The following ADAMTSL1 variants were observed in gnomAD, a reference collection of about 807,000 sequenced individuals.
ADAMTSL1 encodes ADAMTS-like protein 1.
ADAMTSL1 carries 126 observed loss-of-function variants against 201.8 expected under a neutral mutation model. The observed-to-expected ratio is 0.62, with a 90% CI of 0.54 to 0.72. The LOEUF (loss-of-function observed/expected upper bound fraction) is 0.72, where lower values mean the gene tolerates loss of function less well. Among genes scored for constraint, ADAMTSL1 ranks in the 30% least tolerant of loss-of-function variants. The pLI is 0.00. For missense variants in ADAMTSL1, 2,679 were observed against 2,277.8 expected, an observed-to-expected ratio of 1.18 and a Z score of -3.59; for synonymous variants, 1,121 against 903.4, an observed-to-expected ratio of 1.24 and a Z score of -4.32.
At chr9:18,544,594 T>C (rs571469017) in intron 3 of ADAMTSL1, among the ~76,000 whole-genome samples, 34 of 152,302 alleles carry the variant, frequency 2.2e-4, no homozygotes, top group African/African-American at 7.9e-4. Flanking sequence ...CATTGAGTGA[T>C]ATGAGCTGGC....
At chr9:18,289,373 A>G (rs1232984061) in intron 2 of ADAMTSL1, among the ~76,000 whole-genome samples, 2 of 152,220 alleles carry the variant, frequency 1.3e-5, no homozygotes, top group Non-Finnish European at 2.9e-5. Flanking sequence ...ATGTTTAACC[A>G]AGTAGCTGGG....
chr9:17,933,910 C>T (rs1348416224), intron 1 of ADAMTSL1, among the ~76,000 whole-genome samples: 1 of 152,144 alleles, frequency 6.6e-6, no homozygotes, highest in Non-Finnish European at 1.5e-5. Flanking sequence ...CAACACTCAA[C>T]CTCAAAGATA....
At chr9:18,101,649 A>C (rs1051482612) in intron 1 of ADAMTSL1, among the ~76,000 whole-genome samples, 2 of 152,202 alleles carry the variant, frequency 1.3e-5, no homozygotes, top group African/African-American at 4.8e-5. Context: ...GGTTACTCTG[A>C]ATTTAGACGG....
In ADAMTSL1 at chr9:18,909,064, G is replaced by A. The variant is rs1399862597; in HGVS notation, c.*516G>A. On this transcript the variant is annotated 3_prime_UTR_variant, in exon 29 of 29. Transcript: ENST00000380548. ...AAATGGGGAGGGGACACCATGCTGA[G>A]GCAGAAACTAGCCCAGAACTCACTC... 1 of 156,036 alleles carries A rather than the reference G, an allele frequency of 6.4e-6. No individual in the cohort carries two copies. The highest frequency in any genetic ancestry group is 2.4e-5 in the African/African-American group (1 of 41,484). The allele number at this position is 156,036 out of a possible 1,614,324, so 9.7% of individuals were successfully genotyped here.
chr9:18,294,546 G>C (rs1424658632), intron 2 of ADAMTSL1, among the ~76,000 whole-genome samples: 1 of 152,156 alleles, frequency 6.6e-6, no homozygotes, highest in African/African-American at 2.4e-5. Context: ...TTGCACAGAG[G>C]AGCCACATAG....
At chr9:18,244,886 T>A (rs954374268) in intron 2 of ADAMTSL1, among the ~76,000 whole-genome samples, 4 of 152,180 alleles carry the variant, frequency 2.6e-5, no homozygotes, top group Non-Finnish European at 5.9e-5. Context: ...ATACTCTATA[T>A]CCTACCATGC....
chr9:18,905,820 A>G lies in ADAMTSL1; in HGVS notation c.4890A>G (p.Gln1630=), dbSNP rs1358997093. 6.2e-7 allele frequency: 1 copy of G among 1,613,738 alleles called. No homozygotes were observed. Among genetic ancestry groups the G allele is most frequent in the Non-Finnish European group, 8.5e-7 (1 of 1,179,814 alleles). The change falls in exon 27 of 29, where the codon CAA becomes CAG. Residue 1630 remains glutamine (Q), a synonymous_variant. Transcript: ENST00000380548. ...GPCIGPHLAV[Q]HRQVFCQTRD... ...GCATCGGGCCTCACCTAGCTGTGCA[A>G]CACAGACAAGTCTTCTGCCAGACAC... is the stretch of plus-strand genomic sequence containing the variant.
At chr9:18,405,197 T>C (rs1818138472) in intron 2 of ADAMTSL1, among the ~76,000 whole-genome samples, 1 of 152,200 alleles carries the variant, frequency 6.6e-6, no homozygotes, top group Non-Finnish European at 1.5e-5. Context: ...CAAATCCTTA[T>C]TTCCAAGGGC....
At chr9:18,878,045 G>A (rs1486225902) in intron 23 of ADAMTSL1, among the ~76,000 whole-genome samples, 2 of 152,158 alleles carry the variant, frequency 1.3e-5, no homozygotes, top group African/African-American at 4.8e-5. Flanking sequence ...AAGTTGCCAT[G>A]GAAGTGGGGA....
chr9:18,718,768 C>G (rs1587975819), intron 14 of ADAMTSL1, among the ~76,000 whole-genome samples: 1 of 152,250 alleles, frequency 6.6e-6, no homozygotes, highest in Non-Finnish European at 1.5e-5. Flanking sequence ...CACCTTCACA[C>G]ACACACCTGA....
At chr9:18,159,490 T>C (rs369898006) in intron 1 of ADAMTSL1, among the ~76,000 whole-genome samples, 2 of 152,180 alleles carry the variant, frequency 1.3e-5, no homozygotes, top group East Asian at 1.9e-4. Flanking sequence ...GTAAGAACTT[T>C]ATAGCTACGT....
chr9:18,328,853 A>T (rs1834927618), intron 2 of ADAMTSL1, among the ~76,000 whole-genome samples: 1 of 152,188 alleles, frequency 6.6e-6, no homozygotes, highest in Non-Finnish European at 1.5e-5. Context: ...GGTCCCCAGA[A>T]ATGACAGGAT....
intron 2 of ADAMTSL1, among the ~76,000 whole-genome samples, chr9:18,400,188 A>G (rs965970724): frequency 3.6e-5 from 4 of 110,530 alleles, no homozygotes; most frequent in Non-Finnish European, 8.1e-5. Context: ...TAATAATAAT[A>G]AAAAAGAAAT....
chr9:18,589,529 A>G (rs978484788), intron 4 of ADAMTSL1, among the ~76,000 whole-genome samples: 1 of 152,168 alleles, frequency 6.6e-6, no homozygotes, highest in Non-Finnish European at 1.5e-5. Flanking sequence ...AACAAGGATA[A>G]TTTGACTTCT....
intron 3 of ADAMTSL1, among the ~76,000 whole-genome samples, chr9:18,571,649 C>T (rs1318954071): frequency 1.3e-5 from 2 of 152,174 alleles, no homozygotes; most frequent in Non-Finnish European, 2.9e-5. Context: ...AGCACCTTGA[C>T]AGAGACTCTA....
chr9:18,653,924 G>A lies in ADAMTSL1; in HGVS notation c.835-3715G>A, dbSNP rs1167846690. 2.0e-5 allele frequency among the ~76,000 whole-genome samples: 3 copies of A among 152,196 alleles called. No individual in the cohort carries two copies. The East Asian group carries it at 5.8e-4, about 29-fold the overall frequency. On this transcript the variant is annotated intron_variant, in intron 7 of 28. Coordinates refer to ENST00000380548, the MANE Select transcript of ADAMTSL1 (RefSeq NM_001040272.6). ...CCGACCTAAAAAGACAGCCTTCCAA[G>A]GAGGGTAGAAAGTGCTCTTGGGGTT...
intron 3 of ADAMTSL1, among the ~76,000 whole-genome samples, chr9:18,554,657 T>C (rs10963629): frequency 0.59 from 86,852 of 146,840 alleles, 25,327 homozygotes; most frequent in East Asian, 0.77. Flanking sequence ...TTTCTTTATG[T>C]GGATCTGAGT....
intron 4 of ADAMTSL1, among the ~76,000 whole-genome samples, chr9:18,591,240 C>G (rs1362931633): frequency 1.3e-5 from 2 of 152,156 alleles, no homozygotes; most frequent in African/African-American, 2.4e-5. Context: ...GTTACATCCT[C>G]TTGCTGAATT....
At chr9:18,612,902 A>G (rs1304251496) in intron 4 of ADAMTSL1, among the ~76,000 whole-genome samples, 1 of 152,240 alleles carries the variant, frequency 6.6e-6, no homozygotes, top group Non-Finnish European at 1.5e-5. Flanking sequence ...ACACAGCGAA[A>G]GAAACTATCA....
Sources: gnomAD v4.1 joint callset for allele counts (sites outside exome capture counted in the v4.1 genomes callset) on GRCh38, gnomAD v4.1.1 for gene constraint, MANE v1.5 for transcripts, NCBI Gene and HGNC (gene_info 2026-07-23, HGNC 2026-07-21) for gene names.